Variants in CCDC125 observed in about 807,000 individuals in gnomAD.
CCDC125 encodes coiled-coil domain-containing protein 125.
Under a neutral mutation model 57.4 loss-of-function variants are expected in CCDC125, and 43 were observed. That is an observed-to-expected ratio of 0.75 (90% CI 0.59 to 0.97). CCDC125 has a LOEUF of 0.97. Ranked by LOEUF, CCDC125 falls within the 50% of genes least tolerant of loss-of-function variation. CCDC125 has a pLI of 0.00. For missense variants in CCDC125, 563 were observed against 595.7 expected, an observed-to-expected ratio of 0.95 and a Z score of 0.57; for synonymous variants, 187 against 195.2, an observed-to-expected ratio of 0.96 and a Z score of 0.35.
rs1752534425 is a variant in CCDC125, at chr5:69,282,100, C to G, written c.*629G>C. Reference sequence around the variant, plus strand: ...AGAGATGGGGTTTCTCCATGTTGGTCAGACTGGTCTTGAACTCCAGCCTCA... The same window carrying G: ...AGAGATGGGGTTTCTCCATGTTGGTGAGACTGGTCTTGAACTCCAGCCTCA... On this transcript the variant is annotated 3_prime_UTR_variant, in exon 12 of 12. Coordinates refer to ENST00000396496, the MANE Select transcript of CCDC125 (RefSeq NM_176816.5). 6.6e-6 allele frequency: 1 copy of G among 152,018 alleles called. No homozygotes were observed. Among genetic ancestry groups the G allele is most frequent in the Non-Finnish European group, 1.5e-5 (1 of 68,034 alleles). 9.4% of individuals were successfully genotyped at this position (152,018 alleles called of 1,614,324 possible).
At chr5:69,301,105 A>AAC (rs1165210934) in intron 7 of CCDC125, among the ~76,000 whole-genome samples, 5 of 151,306 alleles carry the variant, frequency 3.3e-5, no homozygotes, top group Non-Finnish European at 5.9e-5. Flanking sequence ...AAAAAAAAAA[A>AAC]AAAAAACCAG....
At chr5:69,325,957 C>T (rs1760687491) in intron 1 of CCDC125, among the ~76,000 whole-genome samples, 1 of 151,990 alleles carries the variant, frequency 6.6e-6, no homozygotes, top group Admixed American at 6.6e-5. Flanking sequence ...GATTCTCCCA[C>T]CTCAGTCTCC....
chr5:69,322,093 G>A lies in CCDC125; in HGVS notation c.-40-1513C>T, dbSNP rs571468856. Among the ~76,000 whole-genome samples, 474 of 151,820 alleles carry A rather than the reference G, an allele frequency of 3.1e-3. 2 individuals carry two copies. Among genetic ancestry groups the A allele is most frequent in the Non-Finnish European group, 5.3e-3 (357 of 67,930 alleles). Reference sequence around the variant, plus strand: ...TGACCTCAGGTGATCTGCCTGCCTCGGCCTCCCAAAGTGCTAGGATTACAG... The same window carrying A: ...TGACCTCAGGTGATCTGCCTGCCTCAGCCTCCCAAAGTGCTAGGATTACAG... On this transcript the variant is annotated intron_variant, in intron 1 of 11. Transcript: ENST00000396496.
the CCDC125 span, among the ~76,000 whole-genome samples, chr5:69,273,480 C>G: frequency 0.024 from 3,711 of 152,220 alleles, 70 homozygotes; most frequent in Non-Finnish European, 0.04. Context: ...GGTATGCATG[C>G]TGATCATTCT....
At chr5:69,328,429 T>C (rs539280685) in intron 1 of CCDC125, among the ~76,000 whole-genome samples, 1 of 152,024 alleles carries the variant, frequency 6.6e-6, no homozygotes, top group African/African-American at 2.4e-5. Context: ...GTATTTAACA[T>C]AGTTTAAGAA....
At chr5:69,308,764 CAGA>C (rs1757722559) in intron 4 of CCDC125, 1 of 159,420 alleles carries the variant, frequency 6.3e-6, no homozygotes, top group Non-Finnish European at 1.4e-5. Flanking sequence ...TTGGAGGGCT[CAGA>C]AGAAGACAGG....
downstream of CCDC125, among the ~76,000 whole-genome samples, chr5:69,278,417 A>C (rs1011678495): frequency 2.1e-5 from 3 of 142,466 alleles, no homozygotes; most frequent in Non-Finnish European, 3.1e-5. Context: ...GTTTCACCAT[A>C]TTGGCCAGGC....
chr5:69,321,737 A>G (rs1760052065), intron 1 of CCDC125, among the ~76,000 whole-genome samples: 1 of 152,236 alleles, frequency 6.6e-6, no homozygotes, highest in South Asian at 2.1e-4. Flanking sequence ...TTTTCAGGGA[A>G]AAAAGTTTCT....
chr5:69,320,048 G>T (rs1759768935), intron 2 of CCDC125, among the ~76,000 whole-genome samples, 189 bp downstream of exon 2: 1 of 152,092 alleles, frequency 6.6e-6, no homozygotes, highest in Non-Finnish European at 1.5e-5. Flanking sequence ...TTGAACCCGG[G>T]GGGTGGAGGT....
Position 69,308,024 on chromosome 5 carries a change from A to C in CCDC125, c.458T>G (p.Ile153Arg), listed in dbSNP as rs147567034. ...CGTATGACTTGTGGCTTTGCCCAGT[A>C]TTGCCTAAGAAAAATAAAACTAGCA... ...EALKILQSMA[I>R]LGKATSHTQA... The change falls in exon 5 of 12, where the codon ATA (isoleucine) becomes AGA (arginine). Residue 153 changes from isoleucine (I) to arginine (R), a missense_variant. Physicochemically the swap from Ile to Arg is moderately conservative, Grantham distance 97. Transcript: ENST00000396496. The C allele has an allele frequency of 9.1e-4, 1,470 of 1,612,210 alleles. 7 individuals carry two copies. In the Middle Eastern group the frequency reaches 9.6e-3, roughly 11 times the overall value.
At chr5:69,289,296 G>A (rs1338253603) in intron 10 of CCDC125, among the ~76,000 whole-genome samples, 1 of 152,210 alleles carries the variant, frequency 6.6e-6, no homozygotes, top group Non-Finnish European at 1.5e-5. Flanking sequence ...CCTCAAAGAG[G>A]ATTTTACAAT....
At position 69,283,009 on chromosome 5, in the gene CCDC125, G is replaced by T. The variant is rs2150272937; in HGVS notation, c.1256C>A (p.Ala419Asp). The change falls in exon 12 of 12, where the codon GCT (alanine) becomes GAT (aspartate). Residue 419 changes from alanine to aspartate, a missense_variant. Coordinates refer to ENST00000396496, the MANE Select transcript of CCDC125 (RefSeq NM_176816.5). ...DLLNDKEEAL[A>D]HQRKVSYMLA... ...CATGTAGCTAACTTTTCTTTGATGA[G>T]CCAAAGCTTCTTCTTTATCATTAAG... is the stretch of plus-strand genomic sequence containing the variant. 6.3e-7 allele frequency: 1 copy of T among 1,597,256 alleles called. No homozygotes were observed. The highest frequency in any genetic ancestry group is 8.5e-7 in the Non-Finnish European group (1 of 1,174,248).
rs1462514478 is a variant in CCDC125 at position 69,286,125 on chromosome 5, G to T, written c.1100-658C>A. On this transcript the variant is annotated intron_variant, in intron 10 of 11. Coordinates refer to ENST00000396496, the MANE Select transcript of CCDC125 (RefSeq NM_176816.5). The stretch of plus-strand genomic sequence containing the variant: ...TGAAAATGTTCTGGAGCTGGATGGT[G>T]ATGAAGGTTACATTACAATGTGAAT... Among the ~76,000 whole-genome samples, 5 of 143,806 alleles carry T rather than the reference G, an allele frequency of 3.5e-5. No individual in the cohort carries two copies. In the Admixed American group the frequency reaches 3.6e-4, roughly 10 times the overall value. 94.3% of individuals were successfully genotyped at this position (143,806 alleles called of 152,430 possible). A position where few individuals can be genotyped will look rare whatever the true frequency, so the allele number is the denominator to read the frequency against.
intron 10 of CCDC125, 124 bp downstream of exon 10, chr5:69,292,064 C>A: frequency 3.4e-6 from 3 of 889,280 alleles, no homozygotes; most frequent in African/African-American, 1.7e-5. Flanking sequence ...TTAAGTAAAC[C>A]ACAACCATAT....
rs1363580327 is a variant in CCDC125 at position 69,315,449 on chromosome 5, ACAAAAAAAAAAAC to A, written c.305-1416_305-1404del. ...CGAGATTCTGTCTCAAAAAAAAAAAACAAAAAAAAAAACAAAAAAAAAAAAGGCCAGGTGTGGT... is the reference window on the plus strand; with the variant it reads ...CGAGATTCTGTCTCAAAAAAAAAAAAAAAAAAAAAAAAGGCCAGGTGTGGT... On this transcript the variant is annotated intron_variant, in intron 2 of 11. Coordinates refer to ENST00000396496, the MANE Select transcript of CCDC125 (RefSeq NM_176816.5). 8.0e-3 allele frequency among the ~76,000 whole-genome samples: 62 copies of A among 7,724 alleles called. 12 individuals carry two copies. Among genetic ancestry groups the A allele is most frequent in the Non-Finnish European group, 0.014 (18 of 1,320 alleles). 5.1% of individuals were successfully genotyped at this position (7,724 alleles called of 152,430 possible). A position where few individuals can be genotyped will look rare whatever the true frequency, so the allele number is the denominator to read the frequency against.
At position 69,281,745 on chromosome 5, in the gene CCDC125, T is replaced by TA. The variant is rs763806153; in HGVS notation, c.*983dup. 1 of 152,332 alleles carries TA rather than the reference T, an allele frequency of 6.6e-6. No homozygotes were observed. Among genetic ancestry groups the TA allele is most frequent in the Middle Eastern group, 3.4e-3 (1 of 294 alleles). The allele number at this position is 152,332 out of a possible 1,614,324, so 9.4% of individuals were successfully genotyped here. On this transcript the variant is annotated 3_prime_UTR_variant, in exon 12 of 12. Transcript: ENST00000396496. ...ACATTCAGTCAGTCCTAGGTATTGT[T>TA]ACTTTTTAGAGCATTAAGATACATT...
At chr5:69,278,118 G>A (rs996813390), downstream of CCDC125, among the ~76,000 whole-genome samples, 3 of 151,982 alleles carry the variant, frequency 2.0e-5, no homozygotes, top group Non-Finnish European at 4.4e-5. Flanking sequence ...CTGACCTGAA[G>A]TGATCTGCCC....
chr5:69,313,644 G>C (rs1758520569), intron 3 of CCDC125: 1 of 741,784 alleles, frequency 1.3e-6, no homozygotes, highest in African/African-American at 1.7e-5. Flanking sequence ...ATCCTTATCC[G>C]GTAGCATCTT....
intron 1 of CCDC125, among the ~76,000 whole-genome samples, chr5:69,327,740 T>C (rs904048802): frequency 1.3e-5 from 2 of 152,226 alleles, no homozygotes; most frequent in Non-Finnish European, 2.9e-5. Flanking sequence ...ATATTTGAAA[T>C]CAACTATGGT....
Sources: gnomAD v4.1 joint callset for allele counts (sites outside exome capture counted in the v4.1 genomes callset) on GRCh38, gnomAD v4.1.1 for gene constraint, MANE v1.5 for transcripts, NCBI Gene and HGNC (gene_info 2026-07-23, HGNC 2026-07-21) for gene names.